Variants in FGD4 observed in about 807,000 individuals in gnomAD.
FGD4 encodes FYVE, RhoGEF and PH domain-containing protein 4.
In FGD4, 42 loss-of-function variants were observed where a neutral mutation model predicts 102.0. That is an observed-to-expected ratio of 0.41 (90% CI 0.32 to 0.53). The LOEUF is 0.53. Among genes scored for constraint, FGD4 ranks in the 20% least tolerant of loss-of-function variants. FGD4 has a pLI of 0.21. For missense variants in FGD4, 902 were observed against 1,078.2 expected, an observed-to-expected ratio of 0.84 and a Z score of 2.29; for synonymous variants, 380 against 375.7, an observed-to-expected ratio of 1.01 and a Z score of -0.13.
chr12:32,561,070 G>GTTTTTTTTTTTTTTTTTTTTT lies in FGD4; in HGVS notation c.167-3063_167-3062insTTTTTTTTTTTTTTTTTTTTT, dbSNP rs1267043755. 2.0e-4 allele frequency among the ~76,000 whole-genome samples: 18 copies of GTTTTTTTTTTTTTTTTTTTTT among 90,814 alleles called. 3 individuals carry two copies. Among genetic ancestry groups the GTTTTTTTTTTTTTTTTTTTTT allele is most frequent in the East Asian group, 3.0e-4 (1 of 3,288 alleles). The allele number at this position is 90,814 out of a possible 152,430, so 59.6% of individuals were successfully genotyped here. ...AGCAGAAATGTGGTTTCTTTGTTGG[G>GTTTTTTTTTTTTTTTTTTTTT]TTTTGTTTTTTTTTTTTTTTTTTTT... On this transcript the variant is annotated intron_variant, in intron 1 of 16. Transcript: ENST00000534526.
intron 1 of FGD4, among the ~76,000 whole-genome samples, chr12:32,489,207 A>C (rs750070021): frequency 6.6e-6 from 1 of 152,156 alleles, no homozygotes; most frequent in Non-Finnish European, 1.5e-5. Flanking sequence ...CTAAGGATCA[A>C]CTTTGTAACT....
chr12:32,599,558 TTTTTTTG>T (rs1269236800), intron 5 of FGD4, among the ~76,000 whole-genome samples: 26 of 66,424 alleles, frequency 3.9e-4, no homozygotes, highest in African/African-American at 1.7e-3. Context: ...TTTTTTTTTT[TTTTTTTG>T]GAGATGGAGT....
At chr12:32,531,293 T>A (rs997762244) in intron 1 of FGD4, among the ~76,000 whole-genome samples, 1 of 152,168 alleles carries the variant, frequency 6.6e-6, no homozygotes, top group African/African-American at 2.4e-5. Context: ...TATTTGCTTC[T>A]AAATTTTTTA....
At chr12:32,512,119 A>C (rs1283212661) in intron 1 of FGD4, among the ~76,000 whole-genome samples, 2 of 152,082 alleles carry the variant, frequency 1.3e-5, no homozygotes, top group East Asian at 3.9e-4. Context: ...GAGTGATCCT[A>C]AACTGAAAGT....
In FGD4 at chr12:32,633,642, A is replaced by G. The variant is rs1208104834; in HGVS notation, c.2266A>G (p.Ser756Gly). The G allele has an allele frequency of 6.2e-7, 1 of 1,610,464 alleles. No individual in the cohort carries two copies. The highest frequency in any genetic ancestry group is 1.7e-5 in the Admixed American group (1 of 60,012). The part of the protein sequence containing the change: ...KVCKDCYQII[S>G]GFTDSEEKKR... ...TTGTAAAGACTGTTATCAAATCATAAGTGGATTCACAGACAGTGAAGAAAA... is the reference window on the plus strand; with the variant it reads ...TTGTAAAGACTGTTATCAAATCATAGGTGGATTCACAGACAGTGAAGAAAA... Residue 756 changes from serine to glycine, a missense_variant, in exon 15 of 17, where the codon AGT becomes GGT. By Grantham distance (56) the Ser-to-Gly change is moderately conservative (BLOSUM62 0). Around this residue, in one of 2 missense-constraint regions of FGD4, gnomAD observed 459 missense variants for 619.0 expected, o/e 0.74. Coordinates refer to ENST00000534526, the MANE Select transcript of FGD4 (RefSeq NM_001370298.3).
intron 10 of FGD4, among the ~76,000 whole-genome samples, chr12:32,613,244 T>A (rs1949255299): frequency 6.6e-6 from 1 of 152,202 alleles, no homozygotes; most frequent in Admixed American, 6.5e-5. Context: ...GGCTTCTGTG[T>A]CTGTTTCCAG....
At chr12:32,547,554 G>T (rs1943324018) in intron 1 of FGD4, among the ~76,000 whole-genome samples, 1 of 152,226 alleles carries the variant, frequency 6.6e-6, no homozygotes, top group African/African-American at 2.4e-5. Flanking sequence ...TGGAGTAAAT[G>T]AAATAATGCA....
chr12:32,515,472 T>C (rs998359639), intron 1 of FGD4, among the ~76,000 whole-genome samples: 3 of 152,254 alleles, frequency 2.0e-5, no homozygotes, highest in Non-Finnish European at 2.9e-5. Flanking sequence ...TTAAGCAGAC[T>C]TCCTAAGGTG....
chr12:32,471,858 G>GTGT (rs956637423), intron 1 of FGD4, among the ~76,000 whole-genome samples: 3 of 152,190 alleles, frequency 2.0e-5, no homozygotes, highest in African/African-American at 7.2e-5. Flanking sequence ...TTTCTGCCAT[G>GTGT]TGTTAATGGT....
chr12:32,459,725 G>A (rs1408346059), intron 1 of FGD4, among the ~76,000 whole-genome samples: 1 of 150,756 alleles, frequency 6.6e-6, no homozygotes, highest in Non-Finnish European at 1.5e-5. Context: ...TTCTAGACAG[G>A]GCCTCACTCT....
chr12:32,599,859 C>T (rs964020703), intron 5 of FGD4, among the ~76,000 whole-genome samples: 24 of 152,028 alleles, frequency 1.6e-4, no homozygotes, highest in Non-Finnish European at 1.0e-4. Flanking sequence ...CTAAGGCATC[C>T]TAATCCTGTT....
At chr12:32,615,526 T>G (rs2136823767) in intron 10 of FGD4, among the ~76,000 whole-genome samples, 1 of 152,342 alleles carries the variant, frequency 6.6e-6, no homozygotes, top group Admixed American at 6.5e-5. Flanking sequence ...ACACAAGTAC[T>G]TCTTTCACGG....
intron 1 of FGD4, among the ~76,000 whole-genome samples, chr12:32,507,604 C>A (rs540431708): frequency 6.6e-6 from 1 of 152,278 alleles, no homozygotes; most frequent in African/African-American, 2.4e-5. Context: ...AATGTGTGTT[C>A]TTTTTCAAAG....
At chr12:32,587,319 C>T (rs762863622) in intron 4 of FGD4, among the ~76,000 whole-genome samples, 6 of 151,764 alleles carry the variant, frequency 4.0e-5, no homozygotes, top group Non-Finnish European at 7.4e-5. Context: ...ACCACTGACA[C>T]ATCACTTTTT....
chr12:32,493,985 G>A (rs1230144114), intron 1 of FGD4, among the ~76,000 whole-genome samples: 4 of 152,180 alleles, frequency 2.6e-5, no homozygotes, highest in African/African-American at 9.7e-5. Flanking sequence ...AATGTCTTAG[G>A]TAGAGGGAAC....
chr12:32,441,981 C>T (rs749522358), intron 1 of FGD4, among the ~76,000 whole-genome samples: 3 of 151,860 alleles, frequency 2.0e-5, no homozygotes, highest in Non-Finnish European at 2.9e-5. Flanking sequence ...ATGCTCTTCA[C>T]GCCATGCTGC....
intron 7 of FGD4, 56 bp downstream of exon 7, chr12:32,602,373 A>T: frequency 6.3e-7 from 1 of 1,599,026 alleles, no homozygotes. Flanking sequence ...CAAATTATAC[A>T]GTCTTCTATA....
At position 32,540,810 on chromosome 12, in the gene FGD4, C is replaced by T. The variant is rs11832493; in HGVS notation, c.167-23327C>T. Among the ~76,000 whole-genome samples, 1,361 of 152,218 alleles carry T rather than the reference C, an allele frequency of 8.9e-3. 21 individuals are homozygous for T. Among genetic ancestry groups the T allele is most frequent in the African/African-American group, 0.031 (1,277 of 41,528 alleles). Reference sequence around the variant, plus strand: ...GAACTCCTGACTTCAGGTGATTCGCCCGCCTCTGCCTCCCAAAGCGCTGGG... The same window carrying T: ...GAACTCCTGACTTCAGGTGATTCGCTCGCCTCTGCCTCCCAAAGCGCTGGG... On this transcript the variant is annotated intron_variant, in intron 1 of 16. Transcript: ENST00000534526.
chr12:32,639,738 T>A (rs1417258319), intron 16 of FGD4, among the ~76,000 whole-genome samples: 1 of 152,208 alleles, frequency 6.6e-6, no homozygotes, highest in African/African-American at 2.4e-5. Flanking sequence ...CTCTGAAATA[T>A]AAAAATTTTA....
Sources: gnomAD v4.1 joint callset for allele counts (sites outside exome capture counted in the v4.1 genomes callset) on GRCh38, gnomAD v4.1.1 for gene constraint, gnomAD v4.1.1 regional missense constraint, MANE v1.5 for transcripts, NCBI Gene and HGNC (gene_info 2026-07-23, HGNC 2026-07-21) for gene names.